The following MYO9B variants were observed in gnomAD, a reference collection of about 807,000 sequenced individuals.
The protein encoded by MYO9B is myosin IXB.
MYO9B carries 71 observed loss-of-function variants against 229.5 expected under a neutral mutation model. The observed-to-expected ratio is 0.31, with a 90% confidence interval of 0.26 to 0.38. MYO9B has a LOEUF of 0.38. MYO9B is among the 10% of genes least tolerant of loss of function. The pLI is 1.00. For missense variants in MYO9B, 2,255 were observed against 2,920.5 expected (o/e 0.77, Z 5.25); for synonymous variants, 1,185 against 1,235.8 (o/e 0.96, Z 0.86).
chr19:17,116,644 C>A lies in MYO9B; in HGVS notation c.840+14087C>A, dbSNP rs538602748. On this transcript the variant is annotated intron_variant, in intron 2 of 39. Transcript: ENST00000682292. ...TGTTCCCCCCACAGAGCACAGAGAG[C>A]AGCAGGCGCTGTGAGGGGCAGCCTG... is the stretch of plus-strand genomic sequence containing the variant. 5.9e-5 allele frequency among the ~76,000 whole-genome samples: 9 copies of A among 152,236 alleles called. 1 individual carries two copies. The South Asian group carries it at 1.9e-3, about 32-fold the overall frequency.
chr19:17,103,747 A>G (rs2057767464), intron 2 of MYO9B: 1 of 152,170 alleles, frequency 6.6e-6, no homozygotes, highest in Admixed American at 6.5e-5. Flanking sequence ...CCCAGATGTC[A>G]GAGCATCAGA....
At chr19:17,120,468 C>T (rs1032040367) in intron 2 of MYO9B, among the ~76,000 whole-genome samples, 1 of 151,814 alleles carries the variant, frequency 6.6e-6, no homozygotes, top group Non-Finnish European at 1.5e-5. Flanking sequence ...CATAGTGAGA[C>T]CCCATCTCTA....
chr19:17,125,297 TCCC>T (rs67309597), intron 2 of MYO9B, among the ~76,000 whole-genome samples: 8 of 99,736 alleles, frequency 8.0e-5, no homozygotes, highest in Non-Finnish European at 1.2e-4. Flanking sequence ...TAAAACCCCA[TCCC>T]CCCCCCCCCA....
intron 17 of MYO9B, among the ~76,000 whole-genome samples, chr19:17,185,542 G>A (rs1366197462): frequency 7.0e-6 from 1 of 143,102 alleles, no homozygotes; most frequent in African/African-American, 2.8e-5. Context: ...GCAAGACTGC[G>A]TCTCAAAAAA....
intron 11 of MYO9B, among the ~76,000 whole-genome samples, chr19:17,170,196 C>G (rs2145350986): frequency 6.6e-6 from 1 of 152,048 alleles, no homozygotes; most frequent in South Asian, 2.1e-4. Flanking sequence ...TACACCTGAC[C>G]CTGTCTTCTG....
intron 3 of MYO9B, among the ~76,000 whole-genome samples, chr19:17,149,552 G>A (rs533920435): frequency 5.3e-5 from 8 of 152,260 alleles, no homozygotes; most frequent in South Asian, 2.1e-4. Context: ...GGCCATCCTC[G>A]CCCCAGGGAG....
chr19:17,172,510 C>G lies in MYO9B; in HGVS notation c.1935+33C>G, dbSNP rs1232405449. On this transcript the variant is annotated intron_variant, in intron 12 of 39. Coordinates refer to ENST00000682292, the MANE Select transcript of MYO9B (RefSeq NM_004145.4). This position sits in a 1 kb window ranked among gnomAD's most constrained non-coding sequence, Gnocchi z 8.2. ...TCTGCCCATCACCACTGGTGGAAGC[C>G]TGAGGGAAGCCACAGTCAGCCCAGA... 6.2e-6 allele frequency: 10 copies of G among 1,609,640 alleles called. No individual in the cohort carries two copies. The highest frequency in any genetic ancestry group is 3.3e-5 in the South Asian group (3 of 90,294).
intron 2 of MYO9B, among the ~76,000 whole-genome samples, chr19:17,122,297 G>A (rs1011077980): frequency 6.6e-6 from 1 of 152,186 alleles, no homozygotes; most frequent in African/African-American, 2.4e-5. Context: ...CCAGCACTTT[G>A]GGAGTAAGAG....
intron 2 of MYO9B, among the ~76,000 whole-genome samples, chr19:17,119,642 T>TGTTTG (rs1380673973): frequency 6.6e-6 from 1 of 152,044 alleles, no homozygotes; most frequent in African/African-American, 2.4e-5. Flanking sequence ...TTTGTTTGTT[T>TGTTTG]GTTTGTTTTG....
At chr19:17,180,587 T>G (rs1156724514) in intron 14 of MYO9B, 1 of 165,254 alleles carries the variant, frequency 6.1e-6, no homozygotes, top group Non-Finnish European at 1.3e-5. Flanking sequence ...TGACCTCAGG[T>G]GATCCACCCG....
At chr19:17,206,555 C>A in intron 33 of MYO9B, 124 bp from the exon 34 acceptor site, 1 of 1,294,544 alleles carries the variant, frequency 7.7e-7, no homozygotes, top group Non-Finnish European at 1.1e-6. Flanking sequence ...CCTCTGTAGC[C>A]ATCCATTCTT....
chr19:17,204,318 C>T (rs553557807), intron 30 of MYO9B, among the ~76,000 whole-genome samples: 2 of 150,172 alleles, frequency 1.3e-5, no homozygotes, highest in South Asian at 2.1e-4. Flanking sequence ...GTGACATCTT[C>T]GTCCCAAGTC....
chr19:17,100,235 C>T (rs1221328586), intron 1 of MYO9B, among the ~76,000 whole-genome samples: 1 of 151,804 alleles, frequency 6.6e-6, no homozygotes, highest in African/African-American at 2.4e-5. Flanking sequence ...TTAGGGAAGT[C>T]GAGGTTGGCA....
Position 17,195,074 on chromosome 19 carries a change from A to G in MYO9B, c.3647A>G (p.Lys1216Arg), listed in dbSNP as rs772581423. ...VETEAENTSQ[K>R]QPTEQPQAMA... ...ACGGAGGCTGAGAACACATCTCAAA[A>G]GCAGCCCACAGAGCAACCCCAGGCC... The change falls in exon 22 of 40, where the codon AAG becomes AGG. Residue 1216 changes from lysine (K) to arginine (R), a missense_variant. Physicochemically the swap from Lys to Arg is conservative, Grantham distance 26. Coordinates refer to ENST00000682292, the MANE Select transcript of MYO9B (RefSeq NM_004145.4). This position sits in a 1 kb window ranked among gnomAD's most constrained non-coding sequence, Gnocchi z 4.5. The G allele has an allele frequency of 1.2e-6, 2 of 1,612,858 alleles. No homozygotes were observed. Among genetic ancestry groups the G allele is most frequent in the African/African-American group, 2.7e-5 (2 of 74,922 alleles).
chr19:17,175,861 T>G, intron 14 of MYO9B, 120 bp downstream of exon 14: 1 of 812,244 alleles, frequency 1.2e-6, no homozygotes, highest in Non-Finnish European at 1.8e-6. Flanking sequence ...AGATGGAATT[T>G]CGCTCTTGTT....
intron 1 of MYO9B, among the ~76,000 whole-genome samples, chr19:17,085,934 C>T (rs2057578615): frequency 6.6e-6 from 1 of 152,112 alleles, no homozygotes; most frequent in Non-Finnish European, 1.5e-5. Context: ...GTTACAAGCC[C>T]ACAGGTCACC....
At chr19:17,202,750 G>A (rs1269142733) in intron 28 of MYO9B, 92 bp from the exon 29 acceptor site, 1 of 1,303,014 alleles carries the variant, frequency 7.7e-7, no homozygotes, top group Non-Finnish European at 1.1e-6. Context: ...AGGGTTCAGG[G>A]TACCCACACG....
At chr19:17,136,395 G>A (rs997545945) in intron 2 of MYO9B, among the ~76,000 whole-genome samples, 3 of 152,136 alleles carry the variant, frequency 2.0e-5, no homozygotes, top group African/African-American at 7.2e-5. Context: ...CCTCTGGAGA[G>A]CTGGAAATGA....
intron 6 of MYO9B, among the ~76,000 whole-genome samples, chr19:17,156,128 A>G (rs1444262708): frequency 6.6e-6 from 1 of 152,110 alleles, no homozygotes; most frequent in Non-Finnish European, 1.5e-5. Flanking sequence ...GTTCACAGAC[A>G]GCATTAGACG....
Sources: allele counts gnomAD v4.1 joint callset (sites outside exome capture counted in the v4.1 genomes callset), GRCh38; gene constraint gnomAD v4.1.1; non-coding constraint Gnocchi (gnomAD v3.1); transcripts MANE v1.5; gene names NCBI Gene and HGNC (gene_info 2026-07-23, HGNC 2026-07-21).